TACR1: variants seen among roughly 807,000 people sequenced by gnomAD.
TACR1 encodes tachykinin receptor 1.
TACR1 carries 25 observed loss-of-function variants against 35.8 expected under a neutral mutation model. The observed-to-expected ratio is 0.70, with a 90% CI of 0.51 to 0.98. TACR1 has a LOEUF of 0.98. TACR1 is among the 50% of genes least tolerant of loss of function. The pLI is 0.00. For synonymous variants in TACR1, 195 were observed against 206.7 expected (o/e 0.94, Z 0.48); for missense variants, 478 against 522.9 (o/e 0.91, Z 0.84).
Position 75,049,220 on chromosome 2 carries a change from G to C in TACR1, c.*212C>G. 1.4e-5 allele frequency: 8 copies of C among 571,336 alleles called. No homozygotes were observed. The highest frequency in any genetic ancestry group is 2.4e-5 in the Non-Finnish European group (8 of 328,990). The allele number at this position is 571,336 out of a possible 1,614,324, so 35.4% of individuals were successfully genotyped here. On this transcript the variant is annotated 3_prime_UTR_variant, in exon 5 of 5. Coordinates refer to ENST00000305249, the MANE Select transcript of TACR1 (RefSeq NM_001058.4). The stretch of plus-strand genomic sequence containing the variant: ...CAGGCTCAGCAAAGTTCAGTGATTT[G>C]GTTTGAGTCACACAGCATGAGGGTG...
intron 1 of TACR1, among the ~76,000 whole-genome samples, chr2:75,178,869 C>A (rs1160476632): frequency 6.6e-6 from 1 of 152,194 alleles, no homozygotes; most frequent in African/African-American, 2.4e-5. Flanking sequence ...TCCATCTCAT[C>A]GTCCTGATTT....
At chr2:75,093,680 T>C (rs1242209872) in intron 2 of TACR1, among the ~76,000 whole-genome samples, 5 of 152,176 alleles carry the variant, frequency 3.3e-5, no homozygotes, top group African/African-American at 4.8e-5. Context: ...GTTTGATTTG[T>C]AACACTTCAG....
At chr2:75,105,819 T>G (rs1316390546) in intron 2 of TACR1, among the ~76,000 whole-genome samples, 1 of 151,784 alleles carries the variant, frequency 6.6e-6, no homozygotes, top group Admixed American at 6.6e-5. Context: ...AAATTCCAAC[T>G]GAGGGATCTG....
chr2:75,182,450 A>T (rs1007030436), intron 1 of TACR1, among the ~76,000 whole-genome samples: 2 of 152,176 alleles, frequency 1.3e-5, no homozygotes, highest in Non-Finnish European at 2.9e-5. Context: ...TTTAGATCTC[A>T]GCCCTGAGCC....
Position 75,070,874 on chromosome 2 carries a change from G to A in TACR1, c.585-17119C>T, listed in dbSNP as rs114504344. ...GTCCTAGTCCTCTATGGCAGGGGCCGCAAACTATGGCCCCAGTTCAAAGCA... is the reference window on the plus strand; with the variant it reads ...GTCCTAGTCCTCTATGGCAGGGGCCACAAACTATGGCCCCAGTTCAAAGCA... On this transcript the variant is annotated intron_variant, in intron 2 of 4. Transcript: ENST00000305249. 9.3e-3 allele frequency among the ~76,000 whole-genome samples: 1,421 copies of A among 152,238 alleles called. 17 individuals are homozygous for A. The highest frequency in any genetic ancestry group is 0.032 in the African/African-American group (1,342 of 41,532).
At chr2:75,168,643 A>G (rs930343917) in intron 1 of TACR1, among the ~76,000 whole-genome samples, 1 of 152,194 alleles carries the variant, frequency 6.6e-6, no homozygotes, top group Non-Finnish European at 1.5e-5. Flanking sequence ...ACTTCTCCCC[A>G]ACTGTAAGAC....
chr2:75,199,124 G>T lies in TACR1; in HGVS notation c.-190C>A. ...ATAAACGCTTCTGGATGCACTGCCC[G>T]CCTGCCCGCGGTGGCTCTGAATTCC... On this transcript the variant is annotated 5_prime_UTR_variant, in exon 1 of 5. Transcript: ENST00000305249. 2 of 660,924 alleles carry T rather than the reference G, an allele frequency of 3.0e-6. No homozygotes were observed. Among genetic ancestry groups the T allele is most frequent in the Non-Finnish European group, 5.0e-6 (2 of 402,754 alleles). 40.9% of individuals were successfully genotyped at this position (660,924 alleles called of 1,614,324 possible).
chr2:75,161,885 A>G lies in TACR1; in HGVS notation c.389+36661T>C, dbSNP rs76681890. 2.9e-3 allele frequency among the ~76,000 whole-genome samples: 437 copies of G among 152,268 alleles called. 2 individuals are homozygous for G. Among genetic ancestry groups the G allele is most frequent in the African/African-American group, 8.8e-3 (367 of 41,552 alleles). ...AAATATGGCTTATGGATATTGAGCTATATCTTCTCATCAGTTCTGTGGAGA... is the reference window on the plus strand; with the variant it reads ...AAATATGGCTTATGGATATTGAGCTGTATCTTCTCATCAGTTCTGTGGAGA... On this transcript the variant is annotated intron_variant, in intron 1 of 4. Transcript: ENST00000305249.
At chr2:75,143,717 A>G (rs1165324830) in intron 1 of TACR1, among the ~76,000 whole-genome samples, 3 of 152,232 alleles carry the variant, frequency 2.0e-5, no homozygotes, top group Admixed American at 2.0e-4. Flanking sequence ...AAATTGGCAA[A>G]AACCGCAATT....
chr2:75,129,435 C>T (rs1466465999), intron 1 of TACR1, among the ~76,000 whole-genome samples: 1 of 152,154 alleles, frequency 6.6e-6, no homozygotes, highest in East Asian at 1.9e-4. Context: ...ATCAAAGATG[C>T]ATTTCTTTTA....
intron 1 of TACR1, among the ~76,000 whole-genome samples, chr2:75,128,941 A>G (rs1674130125): frequency 6.6e-6 from 1 of 152,110 alleles, no homozygotes; most frequent in Non-Finnish European, 1.5e-5. Flanking sequence ...GACAAACTAG[A>G]TCCTTTGTGA....
In TACR1 at chr2:75,067,832, C is replaced by T. The variant is rs148515415; in HGVS notation, c.585-14077G>A. ...AGTGGAGGGGTTGAGGGGTGAGGGC[C>T]ATGAGATGTGGTGGGGGCCACAGCC... On this transcript the variant is annotated intron_variant, in intron 2 of 4. Coordinates refer to ENST00000305249, the MANE Select transcript of TACR1 (RefSeq NM_001058.4). Among the ~76,000 whole-genome samples, 559 of 152,224 alleles carry T rather than the reference C, an allele frequency of 3.7e-3. 2 individuals carry two copies. The highest frequency in any genetic ancestry group is 0.013 in the African/African-American group (542 of 41,532).
chr2:75,142,668 G>A (rs1286351682), intron 1 of TACR1, among the ~76,000 whole-genome samples: 2 of 152,168 alleles, frequency 1.3e-5, no homozygotes, highest in African/African-American at 4.8e-5. Context: ...GCTAACCAGA[G>A]GGGAGTGCAG....
intron 1 of TACR1, among the ~76,000 whole-genome samples, chr2:75,167,569 C>T (rs944002230): frequency 2.0e-5 from 3 of 152,152 alleles, no homozygotes; most frequent in Non-Finnish European, 4.4e-5. Flanking sequence ...TTTGCCAAGA[C>T]ATCCTTCTGG....
In TACR1 at chr2:75,163,936, A is replaced by G. The variant is rs1400872735; in HGVS notation, c.389+34610T>C. Among the ~76,000 whole-genome samples the G allele has an allele frequency of 2.6e-5, 4 of 152,294 alleles. No homozygotes were observed. The East Asian group carries it at 7.7e-4, about 29-fold the overall frequency. ...TTCTATTTCTTTGGAGTATTTCATG[A>G]AGTGATATAAAATTATCACCCTTGT... On this transcript the variant is annotated intron_variant, in intron 1 of 4. Coordinates refer to ENST00000305249, the MANE Select transcript of TACR1 (RefSeq NM_001058.4).
chr2:75,128,416 C>T (rs1298264955), intron 1 of TACR1, among the ~76,000 whole-genome samples: 5 of 152,266 alleles, frequency 3.3e-5, no homozygotes, highest in Non-Finnish European at 2.9e-5. Context: ...CATAAAAATA[C>T]GTATCACTAA....
At chr2:75,102,265 A>G (rs548831940) in intron 2 of TACR1, among the ~76,000 whole-genome samples, 1 of 152,238 alleles carries the variant, frequency 6.6e-6, no homozygotes, top group African/African-American at 2.4e-5. Context: ...CATATGAGAC[A>G]CTCCCACAGA....
intron 1 of TACR1, among the ~76,000 whole-genome samples, chr2:75,167,299 T>A (rs946208685): frequency 6.6e-6 from 1 of 152,160 alleles, no homozygotes; most frequent in Admixed American, 6.5e-5. Flanking sequence ...AAAGTTCACA[T>A]AGGAAAATAA....
At chr2:75,156,478 C>T (rs1028161391) in intron 1 of TACR1, among the ~76,000 whole-genome samples, 1 of 151,488 alleles carries the variant, frequency 6.6e-6, no homozygotes, top group African/African-American at 2.4e-5. Context: ...TGGCAGGCCC[C>T]TGTGGTCCCA....
Sources: allele counts gnomAD v4.1 joint callset (sites outside exome capture counted in the v4.1 genomes callset), GRCh38; gene constraint gnomAD v4.1.1; transcripts MANE v1.5; gene names NCBI Gene and HGNC (gene_info 2026-07-23, HGNC 2026-07-21).